Variants in PPP3CB observed in about 807,000 individuals in gnomAD.
The protein encoded by PPP3CB is protein phosphatase 3 catalytic subunit beta.
In PPP3CB, 8 loss-of-function variants were observed where a neutral mutation model predicts 66.4. The ratio of observed to expected loss-of-function variants is 0.12; its 90% confidence interval spans 0.07 to 0.22. The LOEUF (loss-of-function observed/expected upper bound fraction) is 0.22, where lower values mean the gene tolerates loss of function less well. Ranked by LOEUF, PPP3CB falls within the 10% of genes least tolerant of loss-of-function variation. The pLI is 1.00. For missense variants in PPP3CB, 319 were observed against 642.5 expected (o/e 0.50, Z 5.44); for synonymous variants, 208 against 221.2 (o/e 0.94, Z 0.53).
At chr10:73,461,799 T>C (rs2056525729) in intron 9 of PPP3CB, among the ~76,000 whole-genome samples, 1 of 152,190 alleles carries the variant, frequency 6.6e-6, no homozygotes, top group Non-Finnish European at 1.5e-5. Context: ...AGTTTGGATG[T>C]TGTCACCTAT....
intron 3 of PPP3CB, among the ~76,000 whole-genome samples, chr10:73,476,587 AGC>A (rs2056792302): frequency 6.6e-6 from 1 of 151,506 alleles, no homozygotes; most frequent in African/African-American, 2.4e-5. Context: ...ACTACACTCC[AGC>A]CTGGGCGACA....
intron 4 of PPP3CB, among the ~76,000 whole-genome samples, chr10:73,474,306 G>A (rs566349420): frequency 1.3e-5 from 2 of 152,138 alleles, no homozygotes; most frequent in South Asian, 4.2e-4. Context: ...CTCCCAAAGT[G>A]CTGGGATTAC....
Position 73,437,003 on chromosome 10 carries a change from A to C in PPP3CB, c.*1239T>G, listed in dbSNP as rs962915099. 3 of 152,708 alleles carry C rather than the reference A, an allele frequency of 2.0e-5. No individual in the cohort carries two copies. Among genetic ancestry groups the C allele is most frequent in the Non-Finnish European group, 4.4e-5 (3 of 68,058 alleles). The allele number at this position is 152,708 out of a possible 1,614,324, so 9.5% of individuals were successfully genotyped here. ...GGGCATGAGGGAAGCAGGCCACCAAAGTAAAGGGAAATACCAAACTACAGT... is the reference window on the plus strand; with the variant it reads ...GGGCATGAGGGAAGCAGGCCACCAACGTAAAGGGAAATACCAAACTACAGT... On this transcript the variant is annotated 3_prime_UTR_variant, in exon 14 of 14. Coordinates refer to ENST00000360663, the MANE Select transcript of PPP3CB (RefSeq NM_021132.4).
At chr10:73,451,918 TG>T (rs1434748416) in intron 10 of PPP3CB, among the ~76,000 whole-genome samples, 2 of 151,860 alleles carry the variant, frequency 1.3e-5, no homozygotes, top group African/African-American at 4.8e-5. Flanking sequence ...GCTAATTTTT[TG>T]TATTTTTGGT....
chr10:73,475,278 A>C (rs1813053726), intron 3 of PPP3CB, among the ~76,000 whole-genome samples: 1 of 152,214 alleles, frequency 6.6e-6, no homozygotes, highest in Non-Finnish European at 1.5e-5. Flanking sequence ...GAGTCAAACA[A>C]TCTATTTAAT....
chr10:73,495,989 G>C lies in PPP3CB; in HGVS notation c.-100C>G, dbSNP rs2057225210. The C allele has an allele frequency of 4.6e-6, 3 of 656,012 alleles. No individual in the cohort carries two copies. The highest frequency in any genetic ancestry group is 4.1e-6 in the Non-Finnish European group (2 of 485,840). 40.6% of individuals were successfully genotyped at this position (656,012 alleles called of 1,614,324 possible). The stretch of plus-strand genomic sequence containing the variant: ...GGCGGCGCCGCCGGGGAACATGGCG[G>C]ACCCTCTTTCCCTACAGAGGGGCTA... On this transcript the variant is annotated 5_prime_UTR_variant, in exon 1 of 14. Transcript: ENST00000360663.
intron 1 of PPP3CB, among the ~76,000 whole-genome samples, chr10:73,486,444 T>G (rs1235506820): frequency 1.3e-5 from 2 of 152,022 alleles, no homozygotes; most frequent in African/African-American, 4.8e-5. Flanking sequence ...TAGCTGGGAT[T>G]ACAGGCATGC....
chr10:73,453,234 G>A (rs77903508), intron 10 of PPP3CB, among the ~76,000 whole-genome samples: 7,523 of 152,216 alleles, frequency 0.049, 565 homozygotes, highest in African/African-American at 0.16. Flanking sequence ...CAGCTAAAAC[G>A]ATGAAGCTAA....
chr10:73,471,358 A>C, intron 5 of PPP3CB, 110 bp downstream of exon 5: 1 of 1,363,536 alleles, frequency 7.3e-7, no homozygotes, highest in South Asian at 1.5e-5. Flanking sequence ...TCAGTATACT[A>C]ATTTTTACTA....
chr10:73,476,596 G>C (rs145050913), intron 3 of PPP3CB, among the ~76,000 whole-genome samples: 1 of 148,258 alleles, frequency 6.7e-6, no homozygotes, highest in Non-Finnish European at 1.5e-5. Context: ...CAGCCTGGGC[G>C]ACAGAGTGAG....
chr10:73,461,958 G>T (rs1430401410), intron 9 of PPP3CB, among the ~76,000 whole-genome samples: 1 of 151,872 alleles, frequency 6.6e-6, no homozygotes, highest in Non-Finnish European at 1.5e-5. Flanking sequence ...GTGAAATTTG[G>T]CTGTTTTTTA....
chr10:73,476,376 G>A (rs547604978), intron 3 of PPP3CB, among the ~76,000 whole-genome samples: 18 of 152,060 alleles, frequency 1.2e-4, no homozygotes, highest in Non-Finnish European at 2.2e-4. Flanking sequence ...CAGCACTTCG[G>A]GAGGCCGAGG....
chr10:73,447,306 C>G (rs114651175), intron 10 of PPP3CB, among the ~76,000 whole-genome samples: 357 of 152,324 alleles, frequency 2.3e-3, no homozygotes, highest in African/African-American at 7.9e-3. Context: ...GTTAGCTGTG[C>G]TGTCTACAAC....
At chr10:73,469,172 T>C (rs1322993982) in intron 8 of PPP3CB, among the ~76,000 whole-genome samples, 2 of 152,188 alleles carry the variant, frequency 1.3e-5, no homozygotes. Flanking sequence ...TCCCTTAATA[T>C]TAACAAGAGG....
Position 73,437,017 on chromosome 10 carries a change from C to T in PPP3CB, c.*1225G>A, listed in dbSNP as rs1164837272. 2.0e-5 allele frequency: 3 copies of T among 152,662 alleles called. No individual in the cohort carries two copies. Among genetic ancestry groups the T allele is most frequent in the African/African-American group, 7.2e-5 (3 of 41,444 alleles). 9.5% of individuals were successfully genotyped at this position (152,662 alleles called of 1,614,324 possible). A position where few individuals can be genotyped will look rare whatever the true frequency, so the allele number is the denominator to read the frequency against. On this transcript the variant is annotated 3_prime_UTR_variant, in exon 14 of 14. Transcript: ENST00000360663. ...CAGGCCACCAAAGTAAAGGGAAATA[C>T]CAAACTACAGTGGCAATCAATACAG...
rs569649376 is a variant in PPP3CB at position 73,470,594 on chromosome 10, T to C, written c.982+93A>G. ...ATTTATAAAGAAATCTGGATACTAA[T>C]AGTTTCAAACAACACCCCTTTTTTA... On this transcript the variant is annotated intron_variant, in intron 8 of 13. Transcript: ENST00000360663. The C allele has an allele frequency of 2.9e-4, 203 of 710,618 alleles. 1 individual carries two copies. Among genetic ancestry groups the C allele is most frequent in the African/African-American group, 3.6e-5 (2 of 55,898 alleles). The allele number at this position is 710,618 out of a possible 1,614,324, so 44.0% of individuals were successfully genotyped here. A position where few individuals can be genotyped will look rare whatever the true frequency, so the allele number is the denominator to read the frequency against.
intron 9 of PPP3CB, among the ~76,000 whole-genome samples, chr10:73,456,787 T>A (rs577674964): frequency 2.0e-5 from 3 of 152,188 alleles, no homozygotes; most frequent in Admixed American, 2.0e-4. Context: ...ATTTCTTAGG[T>A]ATAACAACAA....
intron 1 of PPP3CB, among the ~76,000 whole-genome samples, chr10:73,489,685 G>A (rs945494697): frequency 6.6e-6 from 1 of 152,106 alleles, no homozygotes; most frequent in African/African-American, 2.4e-5. Flanking sequence ...TAATCATCCA[G>A]GTACTATATA....
chr10:73,465,715 C>T (rs1293009159), intron 9 of PPP3CB, among the ~76,000 whole-genome samples: 1 of 152,098 alleles, frequency 6.6e-6, no homozygotes, highest in Non-Finnish European at 1.5e-5. Flanking sequence ...CTGGCTTCTT[C>T]GAAGTAAAAC....
Sources: gnomAD v4.1 joint callset for allele counts (sites outside exome capture counted in the v4.1 genomes callset) on GRCh38, gnomAD v4.1.1 for gene constraint, MANE v1.5 for transcripts, NCBI Gene and HGNC (gene_info 2026-07-23, HGNC 2026-07-21) for gene names.